The following CAPN6 variants were observed in gnomAD, a reference collection of about 807,000 sequenced individuals.
The protein encoded by CAPN6 is calpain 6.
In CAPN6, 16 loss-of-function variants were observed where a neutral mutation model predicts 46.0. That is an observed-to-expected ratio of 0.35 (90% CI 0.24 to 0.53). The LOEUF (loss-of-function observed/expected upper bound fraction) is 0.53, where lower values mean the gene tolerates loss of function less well. CAPN6 is among the 20% of genes least tolerant of loss of function. The pLI, the probability that CAPN6 is intolerant of heterozygous loss-of-function variation, is 0.94. For missense variants in CAPN6, 461 were observed against 498.0 expected, an observed-to-expected ratio of 0.93 and a Z score of 0.71; for synonymous variants, 206 against 172.8, an observed-to-expected ratio of 1.19 and a Z score of -1.51.
At position 111,251,009 on chromosome X, in the gene CAPN6, C is replaced by A; in HGVS notation, c.1066G>T (p.Val356Leu). Residue 356 changes from valine (V) to leucine (L), a missense_variant, in exon 8 of 13, where the codon GTG (valine) becomes TTG (leucine). Transcript: ENST00000324068. ...PIFGRKELES[V>L]LGCWTVDDDP... ...TCATCCACAGTCCAGCATCCCAACA[C>A]CGATTCCAGCTCCTTTCGGCCAAAA... is the stretch of plus-strand genomic sequence containing the variant. 1 of 1,211,515 alleles carries A rather than the reference C, an allele frequency of 8.3e-7. No individual in the cohort carries two copies. Among genetic ancestry groups the A allele is most frequent in the Non-Finnish European group, 1.1e-6 (1 of 895,361 alleles).
At chrX:111,252,554 C>A in intron 4 of CAPN6, 55 bp from the exon 5 acceptor site, 1 of 981,782 alleles carries the variant, frequency 1.0e-6, no homozygotes, top group Non-Finnish European at 1.4e-6. Context: ...AGGTCAAGAA[C>A]ATCATAATCT....
Position 111,246,644 on chromosome X carries a change from G to C in CAPN6, c.1859C>G (p.Thr620Ser). 1.7e-6 allele frequency: 2 copies of C among 1,211,080 alleles called. No individual in the cohort carries two copies. The highest frequency in any genetic ancestry group is 2.2e-6 in the Non-Finnish European group (2 of 894,924). Residue 620 changes from threonine to serine, a missense_variant, in exon 13 of 13, where the codon ACT (threonine) becomes AGT (serine). Coordinates refer to ENST00000324068, the MANE Select transcript of CAPN6 (RefSeq NM_014289.4). ...GATGTGGCCTTGCTTGACTTTGGCA[G>C]TTGGACCACCCTTCTTACGCAGGTA... ...SLYLRKKGGPTAKVKQGHISF... is the reference protein window; with the variant it reads ...SLYLRKKGGPSAKVKQGHISF...
chrX:111,249,748 T>C (rs1440225169), intron 8 of CAPN6, among the ~76,000 whole-genome samples: 1 of 109,744 alleles, frequency 9.1e-6, no homozygotes, highest in African/African-American at 3.3e-5. Context: ...GCCCAGGAAT[T>C]CAAGGGTGCA....
chrX:111,249,137 T>C, intron 8 of CAPN6, 80 bp from the exon 9 acceptor site: 1 of 1,058,545 alleles, frequency 9.4e-7, no homozygotes, highest in African/African-American at 1.8e-5. Context: ...GGAATAAAGC[T>C]TGTCATTGGG....
In CAPN6 at chrX:111,253,143, C is replaced by T. The variant is rs1360970370; in HGVS notation, c.371G>A (p.Arg124His). 1.3e-5 allele frequency: 16 copies of T among 1,209,848 alleles called. No individual in the cohort carries two copies. The highest frequency in any genetic ancestry group is 3.0e-5 in the East Asian group (1 of 33,789). The change falls in exon 4 of 13, where the codon CGT becomes CAT. Residue 124 changes from arginine to histidine, a missense_variant. By Grantham distance (29) the Arg-to-His change is conservative (BLOSUM62 0). Coordinates refer to ENST00000324068, the MANE Select transcript of CAPN6 (RefSeq NM_014289.4). ...TEKYAGIFHFRFWHFGEWTEV... is the reference protein window; with the variant it reads ...TEKYAGIFHFHFWHFGEWTEV... ...AGTCCATTCTCCAAAATGCCAGAAA[C>T]GAAAGTGAAATATCCCAGCGTATTT...
intron 2 of CAPN6, among the ~76,000 whole-genome samples, chrX:111,257,358 T>C (rs2094984691): frequency 8.9e-6 from 1 of 112,256 alleles, no homozygotes; most frequent in Non-Finnish European, 1.9e-5. Context: ...CCAGGATGAA[T>C]ATCACTAATA....
chrX:111,268,393 G>T (rs189977052), intron 1 of CAPN6, among the ~76,000 whole-genome samples: 2 of 112,555 alleles, frequency 1.8e-5, no homozygotes, highest in African/African-American at 6.4e-5. Context: ...ATAGCACAAT[G>T]GGAATATGTT....
chrX:111,256,378 A>C (rs181877500), intron 2 of CAPN6, among the ~76,000 whole-genome samples: 106 of 111,839 alleles, frequency 9.5e-4, no homozygotes, highest in African/African-American at 3.4e-3. Context: ...CAGCCTGGGC[A>C]ACAAGAGAGA....
chrX:111,270,288 G>A (rs1603409545), intron 1 of CAPN6, 83 bp downstream of exon 1: 1 of 244,945 alleles, frequency 4.1e-6, no homozygotes, highest in East Asian at 1.2e-4. Context: ...CTACAAAGTT[G>A]AAGTTTCTTC....
Position 111,251,251 on chromosome X carries a change from C to T in CAPN6, c.929G>A (p.Arg310His), listed in dbSNP as rs749806826. The change falls in exon 7 of 13, where the codon CGC becomes CAC. Residue 310 changes from arginine to histidine, a missense_variant. Transcript: ENST00000324068. The part of the protein sequence containing the change: ...EEWQQLTASD[R>H]KNLGLVMSDD... The stretch of plus-strand genomic sequence containing the variant: ...AGACATAACAAGCCCCAGGTTCTTG[C>T]GATCTGATGCAGTCAGTTGCTGCCA... The T allele has an allele frequency of 2.0e-5, 24 of 1,205,487 alleles. No individual in the cohort carries two copies. The highest frequency in any genetic ancestry group is 6.6e-5 in the Admixed American group (3 of 45,257).
chrX:111,247,914 A>G lies in CAPN6; in HGVS notation c.1563T>C (p.Thr521=). 1 of 1,210,263 alleles carries G rather than the reference A, an allele frequency of 8.3e-7. No homozygotes were observed. The part of the protein sequence containing the change: ...RGYPKVVTQI[T]VHSAEDLEKK... ...TCTCCAGGTCCTCAGCACTGTGAAC[A>G]GTGATCTGAGTAACTACTTTCGGGT... The change falls in exon 11 of 13, where the codon ACT becomes ACC. Residue 521 remains threonine, a synonymous_variant. Transcript: ENST00000324068.
intron 1 of CAPN6, among the ~76,000 whole-genome samples, chrX:111,265,123 TAAG>T (rs2094990820): frequency 8.9e-6 from 1 of 112,258 alleles, no homozygotes; most frequent in African/African-American, 3.2e-5. Context: ...GTTAGCACTT[TAAG>T]GAGTATCTGT....
Position 111,253,253 on chromosome X carries a change from C to T in CAPN6, c.298-37G>A, listed in dbSNP as rs773292818. On this transcript the variant is annotated intron_variant, in intron 3 of 12. Coordinates refer to ENST00000324068, the MANE Select transcript of CAPN6 (RefSeq NM_014289.4). ...AGAACATTTAATCAAGTGTTATTCA[C>T]CAGACCACATCCAGAAACTGAGATT... is the stretch of plus-strand genomic sequence containing the variant. The T allele has an allele frequency of 9.5e-6, 10 of 1,051,470 alleles. No individual in the cohort carries two copies. In the Admixed American group the frequency reaches 2.2e-4, roughly 23 times the overall value. The allele number at this position is 1,051,470 out of a possible 1,213,427, so 86.7% of individuals were successfully genotyped here.
intron 3 of CAPN6, 51 bp from the exon 4 acceptor site, chrX:111,253,267 GA>G (rs778926607): frequency 2.3e-5 from 23 of 985,111 alleles, no homozygotes; most frequent in Non-Finnish European, 3.3e-5. Flanking sequence ...ACCACATCCA[GA>G]AACTGAGATT....
chrX:111,247,304 T>C, intron 12 of CAPN6, 64 bp downstream of exon 12: 1 of 985,143 alleles, frequency 1.0e-6, no homozygotes. Context: ...ATAAGGTACT[T>C]GGGATCATCT....
chrX:111,254,177 C>T (rs1402278101), intron 3 of CAPN6, 95 bp downstream of exon 3: 1 of 979,765 alleles, frequency 1.0e-6, no homozygotes, highest in Non-Finnish European at 1.4e-6. Flanking sequence ...AGAAATACAA[C>T]AATCTAAGGA....
At chrX:111,265,176 G>A (rs2094990857) in intron 1 of CAPN6, among the ~76,000 whole-genome samples, 1 of 112,259 alleles carries the variant, frequency 8.9e-6, no homozygotes, top group African/African-American at 3.2e-5. Context: ...TATAAAAAGT[G>A]AAATATTGAT....
Position 111,245,744 on chromosome X carries a change from T to A in CAPN6, c.*833A>T, listed in dbSNP as rs2094973883. 1 of 113,041 alleles carries A rather than the reference T, an allele frequency of 8.8e-6. No individual in the cohort carries two copies. The highest frequency in any genetic ancestry group is 1.9e-5 in the Non-Finnish European group (1 of 53,359). 9.3% of individuals were successfully genotyped at this position (113,041 alleles called of 1,213,427 possible). A position where few individuals can be genotyped will look rare whatever the true frequency, so the allele number is the denominator to read the frequency against. On this transcript the variant is annotated 3_prime_UTR_variant, in exon 13 of 13. Transcript: ENST00000324068. Reference sequence around the variant, plus strand: ...TCTTGCCCACTGACTGCCTGAATGGTAGTTCGTGCGCGCCCATGTGCGCGT... The same window carrying A: ...TCTTGCCCACTGACTGCCTGAATGGAAGTTCGTGCGCGCCCATGTGCGCGT...
At position 111,248,732 on chromosome X, in the gene CAPN6, T is replaced by G. The variant is rs776542662; in HGVS notation, c.1321A>C (p.Ile441Leu). ...GTGGAAGTCCCAGCACGCTCCTGGA[T>G]GTAGAGGTGGTGGAGGCGGAATTTG... is the stretch of plus-strand genomic sequence containing the variant. Reference protein sequence around the residue: ...NRKFRLHHLYIQERAGTSTYI... With the variant: ...NRKFRLHHLYLQERAGTSTYI... Residue 441 changes from isoleucine to leucine, a missense_variant, in exon 10 of 13, where the codon ATC becomes CTC. Coordinates refer to ENST00000324068, the MANE Select transcript of CAPN6 (RefSeq NM_014289.4). The G allele has an allele frequency of 8.3e-7, 1 of 1,209,679 alleles. No individual in the cohort carries two copies. The highest frequency in any genetic ancestry group is 1.8e-5 in the African/African-American group (1 of 57,046).
Sources: gnomAD v4.1 joint callset for allele counts (sites outside exome capture counted in the v4.1 genomes callset) on GRCh38, gnomAD v4.1.1 for gene constraint, MANE v1.5 for transcripts, NCBI Gene and HGNC (gene_info 2026-07-23, HGNC 2026-07-21) for gene names.